LRRTM4: variants seen among roughly 807,000 people sequenced by gnomAD.
LRRTM4 encodes the protein leucine rich repeat transmembrane neuronal 4, also known as leucine-rich repeat transmembrane neuronal protein 4.
In LRRTM4, 25 loss-of-function variants were observed where a neutral mutation model predicts 47.6. The ratio of observed to expected loss-of-function variants is 0.53; its 90% confidence interval spans 0.38 to 0.73. The LOEUF is 0.73. Ranked by LOEUF, LRRTM4 falls within the 30% of genes least tolerant of loss-of-function variation. LRRTM4 has a pLI of 0.00. For missense variants in LRRTM4, 638 were observed against 713.4 expected (o/e 0.89, Z 1.20); for synonymous variants, 311 against 269.5 (o/e 1.15, Z -1.51).
chr2:77,157,200 T>C (rs987591815), intron 3 of LRRTM4, among the ~76,000 whole-genome samples: 6 of 152,110 alleles, frequency 3.9e-5, no homozygotes, highest in African/African-American at 1.4e-4. Context: ...AAGCAAAGGT[T>C]TTGCTTGTTC....
intron 3 of LRRTM4, among the ~76,000 whole-genome samples, chr2:77,394,626 A>G (rs1004285568): frequency 1.3e-5 from 2 of 151,956 alleles, no homozygotes; most frequent in Non-Finnish European, 2.9e-5. Flanking sequence ...CACATACACA[A>G]CAAGTTACAG....
intron 3 of LRRTM4, among the ~76,000 whole-genome samples, chr2:77,007,308 T>G (rs1677693290): frequency 2.0e-5 from 3 of 152,114 alleles, no homozygotes. Context: ...CAAGGCTTCC[T>G]TTTATATTAT....
At chr2:77,035,637 A>C (rs936096825) in intron 3 of LRRTM4, among the ~76,000 whole-genome samples, 23 of 151,918 alleles carry the variant, frequency 1.5e-4, no homozygotes, top group African/African-American at 5.3e-4. Flanking sequence ...CAAATTATAC[A>C]ATCAGTAACT....
intron 3 of LRRTM4, among the ~76,000 whole-genome samples, chr2:77,489,450 G>A (rs1388420021): frequency 3.3e-5 from 5 of 152,060 alleles, no homozygotes; most frequent in Non-Finnish European, 7.4e-5. Context: ...AAATCAACAG[G>A]AGAAAAACCA....
chr2:77,376,086 C>T (rs1672829874), intron 3 of LRRTM4, among the ~76,000 whole-genome samples: 1 of 151,792 alleles, frequency 6.6e-6, no homozygotes, highest in Non-Finnish European at 1.5e-5. Flanking sequence ...CTTTAGCTTT[C>T]TCTGAAAGAA....
At chr2:77,148,564 G>A (rs1293440520) in intron 3 of LRRTM4, among the ~76,000 whole-genome samples, 1 of 152,012 alleles carries the variant, frequency 6.6e-6, no homozygotes, top group Non-Finnish European at 1.5e-5. Flanking sequence ...TTAACTTGTT[G>A]CATCTTCTGT....
intron 3 of LRRTM4, among the ~76,000 whole-genome samples, chr2:77,472,311 A>G (rs1021224464): frequency 6.6e-6 from 1 of 152,176 alleles, no homozygotes; most frequent in Non-Finnish European, 1.5e-5. Context: ...TAGTGAATCA[A>G]CAACATATAA....
chr2:76,794,526 T>TACTA (rs1400972489), intron 3 of LRRTM4, among the ~76,000 whole-genome samples: 1 of 151,508 alleles, frequency 6.6e-6, no homozygotes, highest in Non-Finnish European at 1.5e-5. Flanking sequence ...CTCTTCTATA[T>TACTA]TCTATCTAGA....
At chr2:77,514,528 AG>A (rs1301617046) in intron 3 of LRRTM4, among the ~76,000 whole-genome samples, 2 of 152,066 alleles carry the variant, frequency 1.3e-5, no homozygotes, top group Admixed American at 6.6e-5. Context: ...TTTTGAAGAA[AG>A]TAATGAAAAT....
At chr2:76,971,026 T>C (rs1182640236) in intron 3 of LRRTM4, among the ~76,000 whole-genome samples, 1 of 151,892 alleles carries the variant, frequency 6.6e-6, no homozygotes, top group East Asian at 1.9e-4. Flanking sequence ...CAAAGCAGCA[T>C]GTGAGGTGTG....
chr2:77,452,417 G>A (rs1676293843), intron 3 of LRRTM4, among the ~76,000 whole-genome samples: 1 of 152,162 alleles, frequency 6.6e-6, no homozygotes, highest in Non-Finnish European at 1.5e-5. Context: ...AGTGTGTCAT[G>A]AGCTCGCTTT....
intron 3 of LRRTM4, among the ~76,000 whole-genome samples, chr2:76,856,859 CTTAT>C (rs1415084043): frequency 6.6e-6 from 1 of 151,974 alleles, no homozygotes; most frequent in Non-Finnish European, 1.5e-5. Flanking sequence ...GTGACTTTTA[CTTAT>C]TTGTTTTCTT....
intron 3 of LRRTM4, among the ~76,000 whole-genome samples, chr2:77,330,407 G>T (rs1373437023): frequency 6.6e-6 from 1 of 152,092 alleles, no homozygotes; most frequent in African/African-American, 2.4e-5. Flanking sequence ...GCAATCAAAA[G>T]AGTGATATTT....
intron 3 of LRRTM4, among the ~76,000 whole-genome samples, chr2:77,445,230 T>C (rs1676006171): frequency 6.6e-6 from 1 of 151,966 alleles, no homozygotes; most frequent in African/African-American, 2.4e-5. Flanking sequence ...CTTGGTTTCA[T>C]CATTTGTTAA....
intron 3 of LRRTM4, among the ~76,000 whole-genome samples, chr2:77,180,140 A>G (rs1164643368): frequency 6.6e-6 from 1 of 152,146 alleles, no homozygotes; most frequent in African/African-American, 2.4e-5. Flanking sequence ...TTTTGCTGTA[A>G]TGTAAAAAGA....
chr2:76,827,905 A>T (rs1322350965), intron 3 of LRRTM4, among the ~76,000 whole-genome samples: 1 of 151,880 alleles, frequency 6.6e-6, no homozygotes, highest in Non-Finnish European at 1.5e-5. Flanking sequence ...TGTTTCTAAA[A>T]ACCATTGTCT....
chr2:77,408,027 A>G (rs1212629822), intron 3 of LRRTM4, among the ~76,000 whole-genome samples: 1 of 152,118 alleles, frequency 6.6e-6, no homozygotes, highest in African/African-American at 2.4e-5. Flanking sequence ...GAAATTTGCA[A>G]ATCAAAGTCT....
intron 3 of LRRTM4, among the ~76,000 whole-genome samples, chr2:77,054,021 G>C (rs1403903708): frequency 6.6e-6 from 1 of 152,124 alleles, no homozygotes; most frequent in Non-Finnish European, 1.5e-5. Flanking sequence ...AAGTTTTGGA[G>C]TTCTGACTCA....
At chr2:76,794,007 C>CTAA (rs1211260329) in intron 3 of LRRTM4, among the ~76,000 whole-genome samples, 3 of 152,148 alleles carry the variant, frequency 2.0e-5, no homozygotes, top group Non-Finnish European at 2.9e-5. Flanking sequence ...CTGTGTGTCT[C>CTAA]TAATAGTAAT....
Sources: allele counts gnomAD v4.1 joint callset (sites outside exome capture counted in the v4.1 genomes callset), GRCh38; gene constraint gnomAD v4.1.1; transcripts MANE v1.5; gene names NCBI Gene and HGNC (gene_info 2026-07-23, HGNC 2026-07-21).